Variants in BCL2 observed in about 807,000 individuals in gnomAD.
BCL2 encodes the protein apoptosis regulator Bcl-2.
A neutral mutation model predicts 14.2 loss-of-function variants in BCL2; 1 was observed. The observed-to-expected ratio is 0.07, with a 90% confidence interval of 0.02 to 0.33. BCL2 has a LOEUF of 0.33. Ranked by LOEUF, BCL2 falls within the 10% of genes least tolerant of loss-of-function variation. BCL2 has a pLI of 0.99. For missense variants in BCL2, 247 were observed against 305.9 expected (o/e 0.81, Z 1.44); for synonymous variants, 151 against 137.2 (o/e 1.10, Z -0.70).
At chr18:63,286,960 A>G (rs1315802374) in intron 2 of BCL2, among the ~76,000 whole-genome samples, 1 of 152,162 alleles carries the variant, frequency 6.6e-6, no homozygotes, top group South Asian at 2.1e-4. Context: ...CGAGGCCACT[A>G]TGGAAGGATA....
At chr18:63,302,734 A>G in intron 2 of BCL2, 1 of 985,436 alleles carries the variant, frequency 1.0e-6, no homozygotes, top group Middle Eastern at 5.2e-4. Context: ...TTTAGTAAGG[A>G]TGCAGTAAGA....
intron 2 of BCL2, among the ~76,000 whole-genome samples, chr18:63,137,773 C>G (rs989609756): frequency 2.0e-5 from 3 of 152,168 alleles, no homozygotes; most frequent in South Asian, 4.1e-4. Flanking sequence ...AAGGAGACTG[C>G]TGCTATGTTT....
intron 2 of BCL2, among the ~76,000 whole-genome samples, chr18:63,160,461 C>T (rs556610354): frequency 6.6e-6 from 1 of 152,146 alleles, no homozygotes; most frequent in African/African-American, 2.4e-5. Context: ...GCTGAATAGT[C>T]ACATCCACCA....
intron 2 of BCL2, among the ~76,000 whole-genome samples, chr18:63,230,714 GA>G (rs1364279106): frequency 2.0e-5 from 3 of 151,940 alleles, no homozygotes; most frequent in Non-Finnish European, 2.9e-5. Context: ...TCTAAAAACA[GA>G]TAAAATGGAA....
At chr18:63,219,732 A>G (rs1339926561) in intron 2 of BCL2, among the ~76,000 whole-genome samples, 1 of 152,186 alleles carries the variant, frequency 6.6e-6, no homozygotes, top group African/African-American at 2.4e-5. Context: ...CTGGCAGGAG[A>G]TGCAAGGGCA....
intron 2 of BCL2, among the ~76,000 whole-genome samples, chr18:63,169,228 A>C: frequency 6.7e-6 from 1 of 150,128 alleles, no homozygotes. Context: ...TGCAGACAGA[A>C]TAGTTTTTCC....
At chr18:63,302,384 T>A in intron 2 of BCL2, 1 of 985,164 alleles carries the variant, frequency 1.0e-6, no homozygotes, top group East Asian at 1.1e-4. Context: ...ACACAGAGCC[T>A]GGGGTTTGGG....
chr18:63,179,234 T>G (rs1459464241), intron 2 of BCL2, among the ~76,000 whole-genome samples: 1 of 152,184 alleles, frequency 6.6e-6, no homozygotes, highest in Non-Finnish European at 1.5e-5. Flanking sequence ...GAGTTGGGAA[T>G]GCGCTCAGTA....
intron 2 of BCL2, among the ~76,000 whole-genome samples, chr18:63,174,137 T>C (rs1364265455): frequency 6.6e-6 from 1 of 152,214 alleles, no homozygotes; most frequent in African/African-American, 2.4e-5. Context: ...CATACACATA[T>C]GTATATTTAC....
chr18:63,169,345 C>CTT (rs1915152058), intron 2 of BCL2, among the ~76,000 whole-genome samples: 1 of 53,490 alleles, frequency 1.9e-5, no homozygotes, highest in Non-Finnish European at 3.3e-5. Flanking sequence ...TCCTTTCTTT[C>CTT]TTTCTTTCTT....
At chr18:63,292,486 A>T (rs1912679357) in intron 2 of BCL2, among the ~76,000 whole-genome samples, 1 of 152,214 alleles carries the variant, frequency 6.6e-6, no homozygotes, top group South Asian at 2.1e-4. Context: ...TCCAGACTTT[A>T]TACAGCGCAC....
At chr18:63,208,321 T>C (rs1909900504) in intron 2 of BCL2, among the ~76,000 whole-genome samples, 1 of 152,180 alleles carries the variant, frequency 6.6e-6, no homozygotes, top group Non-Finnish European at 1.5e-5. Context: ...AGACATGCCC[T>C]GCGCCACACT....
chr18:63,215,072 C>T (rs1013440760), intron 2 of BCL2, among the ~76,000 whole-genome samples: 1 of 152,132 alleles, frequency 6.6e-6, no homozygotes, highest in Non-Finnish European at 1.5e-5. Context: ...CGATAATCAT[C>T]CCTTAATGAA....
intron 2 of BCL2, among the ~76,000 whole-genome samples, chr18:63,274,277 CTTTTTT>C (rs74169950): frequency 5.8e-5 from 5 of 86,752 alleles, no homozygotes; most frequent in Non-Finnish European, 6.6e-5. Flanking sequence ...TAAAGATACT[CTTTTTT>C]TTTTTTTTTT....
intron 2 of BCL2, among the ~76,000 whole-genome samples, chr18:63,138,487 G>A (rs576280092): frequency 6.6e-6 from 1 of 152,354 alleles, no homozygotes; most frequent in South Asian, 2.1e-4. Flanking sequence ...GAAAAGGAAA[G>A]GGAAAAAAAT....
intron 2 of BCL2, among the ~76,000 whole-genome samples, chr18:63,158,361 G>A (rs1914837294): frequency 6.6e-6 from 1 of 152,134 alleles, no homozygotes; most frequent in African/African-American, 2.4e-5. Flanking sequence ...CGAGTGACCT[G>A]GCCCTACCAG....
At position 63,317,638 on chromosome 18, in the gene BCL2, T is replaced by G. The variant is rs958306714; in HGVS notation, c.585+444A>C. The G allele has an allele frequency of 6.2e-5, 63 of 1,016,502 alleles. 1 individual carries two copies. In the Middle Eastern group the frequency reaches 1.9e-3, roughly 31 times the overall value. The allele number at this position is 1,016,502 out of a possible 1,614,324, so 63.0% of individuals were successfully genotyped here. A position where few individuals can be genotyped will look rare whatever the true frequency, so the allele number is the denominator to read the frequency against. ...CTCCAATTTTAGTGTACAACGGGCT[T>G]GTTTCAGGGGAGCTTGTTTGGGATG... On this transcript the variant is annotated intron_variant, in intron 2 of 2. Transcript: ENST00000333681.
chr18:63,128,743 A>C lies in BCL2; in HGVS notation c.602T>G (p.Leu201Arg). 1 of 780,650 alleles carries C rather than the reference A, an allele frequency of 1.3e-6. No homozygotes were observed. 48.4% of individuals were successfully genotyped at this position (780,650 alleles called of 1,614,324 possible). The change falls in exon 3 of 3, where the codon CTG (leucine) becomes CGG (arginine). Residue 201 changes from leucine to arginine, a missense_variant. By Grantham distance (102) the Leu-to-Arg change is moderately radical (BLOSUM62 -2). This residue lies in a region of BCL2 where 36 missense variants were observed against 24.9 expected (regional missense o/e 1.45). Transcript: ENST00000333681. ...CAGAGGCCGCATGCTGGGGCCGTAC[A>C]GTTCCACAAAGGCATCCTGCAGTTG... Reference protein sequence around the residue: ...DNGGWDAFVELYGPSMRPLFD... With the variant: ...DNGGWDAFVERYGPSMRPLFD...
chr18:63,218,092 TG>T (rs1910256911), intron 2 of BCL2, among the ~76,000 whole-genome samples: 1 of 152,202 alleles, frequency 6.6e-6, no homozygotes, highest in Non-Finnish European at 1.5e-5. Flanking sequence ...TCTGCATCGG[TG>T]GTGTGTTTTC....
Sources: allele counts gnomAD v4.1 joint callset (sites outside exome capture counted in the v4.1 genomes callset), GRCh38; gene constraint gnomAD v4.1.1; regional missense constraint gnomAD v4.1.1; transcripts MANE v1.5; gene names NCBI Gene and HGNC (gene_info 2026-07-23, HGNC 2026-07-21).